DIAPH2: variants seen among roughly 807,000 people sequenced by gnomAD.
The protein encoded by DIAPH2 is diaphanous related formin 2.
Under a neutral mutation model 92.7 loss-of-function variants are expected in DIAPH2, and 35 were observed. The observed-to-expected ratio is 0.38, with a 90% CI of 0.29 to 0.50. DIAPH2 has a LOEUF of 0.50. DIAPH2 is among the 20% of genes least tolerant of loss of function. The pLI, the probability that DIAPH2 is intolerant of heterozygous loss-of-function variation, is 0.94. For synonymous variants in DIAPH2, 301 were observed against 280.4 expected (o/e 1.07, Z -0.73); for missense variants, 701 against 819.5 (o/e 0.86, Z 1.77).
intron 22 of DIAPH2, among the ~76,000 whole-genome samples, chrX:97,160,564 C>T (rs759496496): frequency 9.0e-6 from 1 of 111,565 alleles, no homozygotes; most frequent in South Asian, 3.8e-4. Context: ...CTCTGGCTGC[C>T]CAGTATCCCA....
chrX:96,891,579 C>G (rs2065307594), intron 5 of DIAPH2, among the ~76,000 whole-genome samples: 1 of 111,880 alleles, frequency 8.9e-6, no homozygotes, highest in African/African-American at 3.2e-5. Context: ...AGGTATTTGG[C>G]AATACATTTT....
At chrX:97,333,045 T>C (rs1355826606) in intron 23 of DIAPH2, among the ~76,000 whole-genome samples, 1 of 112,006 alleles carries the variant, frequency 8.9e-6, no homozygotes, top group Non-Finnish European at 1.9e-5. Context: ...CAGGATCTGA[T>C]AGTTTGCTCT....
intron 8 of DIAPH2, among the ~76,000 whole-genome samples, chrX:96,918,260 G>A (rs772737385): frequency 2.2e-4 from 24 of 110,777 alleles, no homozygotes; most frequent in Non-Finnish European, 4.0e-4. Context: ...TTAATTGTTC[G>A]TACCACAAAA....
chrX:96,956,984 A>G (rs2065814686), intron 15 of DIAPH2, among the ~76,000 whole-genome samples: 1 of 112,473 alleles, frequency 8.9e-6, no homozygotes, highest in African/African-American at 3.2e-5. Context: ...TTCTCACACA[A>G]CTATGAAGAA....
intron 23 of DIAPH2, among the ~76,000 whole-genome samples, chrX:97,313,891 C>T (rs1276277152): frequency 1.8e-5 from 2 of 110,083 alleles, no homozygotes; most frequent in Admixed American, 9.8e-5. Context: ...CCACCCGCCT[C>T]GGCTTCCCAA....
At chrX:97,037,513 A>G (rs908376959) in intron 17 of DIAPH2, among the ~76,000 whole-genome samples, 1 of 111,662 alleles carries the variant, frequency 9.0e-6, no homozygotes, top group African/African-American at 3.3e-5. Context: ...AGGAAGCATG[A>G]GAGATTTTAA....
chrX:97,229,772 A>G (rs1217840772), intron 22 of DIAPH2, among the ~76,000 whole-genome samples: 3 of 105,959 alleles, frequency 2.8e-5, no homozygotes, highest in Non-Finnish European at 5.8e-5. Flanking sequence ...TAATAACAAT[A>G]TAAGATTTCA....
intron 9 of DIAPH2, among the ~76,000 whole-genome samples, chrX:96,922,064 G>A (rs989553556): frequency 1.2e-4 from 13 of 110,837 alleles, no homozygotes; most frequent in South Asian, 3.9e-4. Flanking sequence ...TTTAAACCTC[G>A]CAGCAATTGA....
intron 4 of DIAPH2, among the ~76,000 whole-genome samples, chrX:96,810,844 T>C (rs1036680057): frequency 8.9e-6 from 1 of 111,764 alleles, no homozygotes; most frequent in Non-Finnish European, 1.9e-5. Context: ...TGTGGTGTTA[T>C]TTCTGAGGCT....
intron 22 of DIAPH2, among the ~76,000 whole-genome samples, chrX:97,230,559 T>A (rs897814811): frequency 2.7e-5 from 3 of 111,832 alleles, no homozygotes; most frequent in African/African-American, 9.7e-5. Flanking sequence ...ATTTGTATGT[T>A]TTGTTTTGTT....
chrX:96,823,466 C>T (rs2064791769), intron 4 of DIAPH2, among the ~76,000 whole-genome samples: 1 of 110,284 alleles, frequency 9.1e-6, no homozygotes, highest in South Asian at 3.8e-4. Context: ...TAGTATGACC[C>T]CAATTTTCTT....
intron 17 of DIAPH2, among the ~76,000 whole-genome samples, chrX:97,001,879 C>T (rs1006584513): frequency 6.3e-5 from 7 of 110,592 alleles, no homozygotes; most frequent in Non-Finnish European, 1.3e-4. Context: ...ATTTAAGTGC[C>T]TCTGCATTTG....
chrX:96,842,769 G>A (rs931929822), intron 4 of DIAPH2, among the ~76,000 whole-genome samples: 8 of 106,169 alleles, frequency 7.5e-5, no homozygotes, highest in Non-Finnish European at 1.4e-4. Context: ...AGATTTGAAA[G>A]TACAGATGTA....
At chrX:97,423,140 T>C (rs2070026748) in intron 25 of DIAPH2, among the ~76,000 whole-genome samples, 1 of 111,291 alleles carries the variant, frequency 9.0e-6, no homozygotes, top group Non-Finnish European at 1.9e-5. Context: ...CCAAATCTTT[T>C]ATAATGGACT....
chrX:96,815,367 G>A (rs1289387607), intron 4 of DIAPH2, among the ~76,000 whole-genome samples: 1 of 111,477 alleles, frequency 9.0e-6, no homozygotes, highest in African/African-American at 3.3e-5. Context: ...TGTGCTGTTT[G>A]CTAAGACCAT....
At chrX:97,004,988 GT>G (rs1231396696) in intron 17 of DIAPH2, among the ~76,000 whole-genome samples, 1 of 111,555 alleles carries the variant, frequency 9.0e-6, no homozygotes, top group Admixed American at 9.5e-5. Context: ...TCTGTCTCTA[GT>G]TTTTTGTGGG....
intron 14 of DIAPH2, among the ~76,000 whole-genome samples, chrX:96,948,555 A>G (rs2065752680): frequency 1.8e-5 from 2 of 112,189 alleles, no homozygotes; most frequent in South Asian, 7.5e-4. Context: ...CCTGGGTGAC[A>G]CGAGTGAAAC....
At chrX:96,936,878 G>A (rs1212481514) in intron 10 of DIAPH2, among the ~76,000 whole-genome samples, 2 of 112,075 alleles carry the variant, frequency 1.8e-5, no homozygotes, top group Non-Finnish European at 1.9e-5. Context: ...ATATGTGAAT[G>A]TTCTGACTGC....
intron 26 of DIAPH2, among the ~76,000 whole-genome samples, chrX:97,525,702 A>G (rs908196553): frequency 4.4e-5 from 5 of 112,482 alleles, no homozygotes; most frequent in African/African-American, 1.6e-4. Flanking sequence ...ATCAAAGAAT[A>G]CAATATTCTT....
Sources: allele counts gnomAD v4.1 joint callset (sites outside exome capture counted in the v4.1 genomes callset), GRCh38; gene constraint gnomAD v4.1.1; transcripts MANE v1.5; gene names NCBI Gene and HGNC (gene_info 2026-07-23, HGNC 2026-07-21).